The following PTPRN2 variants were observed in gnomAD, a reference collection of about 807,000 sequenced individuals.
The protein encoded by PTPRN2 is protein tyrosine phosphatase receptor type N2, also known as receptor-type tyrosine-protein phosphatase N2.
Under a neutral mutation model 118.8 loss-of-function variants are expected in PTPRN2, and 74 were observed. The observed-to-expected ratio is 0.62, with a 90% CI of 0.52 to 0.76. The LOEUF (loss-of-function observed/expected upper bound fraction) is 0.76, where lower values mean the gene tolerates loss of function less well. Ranked by LOEUF, PTPRN2 falls within the 30% of genes least tolerant of loss-of-function variation. The probability of loss-of-function intolerance (pLI) is 0.00; values close to 1 mark genes in which losing one functional copy is unlikely to be tolerated. For missense variants in PTPRN2, 1,481 were observed against 1,394.4 expected, an observed-to-expected ratio of 1.06 and a Z score of -0.99; for synonymous variants, 641 against 608.0, an observed-to-expected ratio of 1.05 and a Z score of -0.80.
rs371236861 is a variant in PTPRN2 at position 157,779,677 on chromosome 7, G to A, written c.1789-96740C>T. Among the ~76,000 whole-genome samples the A allele has an allele frequency of 1.1e-4, 16 of 152,314 alleles. No homozygotes were observed. The highest frequency in any genetic ancestry group is 3.1e-4 in the African/African-American group (13 of 41,566). ...CTAGACTCTGGCCAGGACGAGCTGGGGTGAGGGGCCCCGGCCAGAAGGATG... is the reference window on the plus strand; with the variant it reads ...CTAGACTCTGGCCAGGACGAGCTGGAGTGAGGGGCCCCGGCCAGAAGGATG... On this transcript the variant is annotated intron_variant, in intron 12 of 22. Coordinates refer to ENST00000389418, the MANE Select transcript of PTPRN2 (RefSeq NM_002847.5). This position sits in a 1 kb window ranked among gnomAD's most constrained non-coding sequence, Gnocchi z 4.7.
At chr7:157,554,888 CA>C (rs1464313652) in intron 21 of PTPRN2, among the ~76,000 whole-genome samples, 1 of 151,362 alleles carries the variant, frequency 6.6e-6, no homozygotes, top group African/African-American at 2.5e-5. Flanking sequence ...GCTACTTGAC[CA>C]GGTTTAATTC....
At chr7:157,778,469 G>A (rs1215490560) in intron 12 of PTPRN2, among the ~76,000 whole-genome samples, 1 of 151,070 alleles carries the variant, frequency 6.6e-6, no homozygotes, top group Non-Finnish European at 1.5e-5. Context: ...GAATACAGGT[G>A]TTGGGTGCCC....
chr7:158,272,005 T>G (rs147588382), intron 3 of PTPRN2, among the ~76,000 whole-genome samples: 49 of 152,336 alleles, frequency 3.2e-4, no homozygotes, highest in Non-Finnish European at 6.2e-4. Flanking sequence ...AATGAATTCG[T>G]TTGACATTCT....
chr7:157,607,952 G>T (rs1473857712), intron 15 of PTPRN2, among the ~76,000 whole-genome samples: 2 of 152,130 alleles, frequency 1.3e-5, no homozygotes, highest in Non-Finnish European at 2.9e-5. Flanking sequence ...TTCCCCCGAG[G>T]TCACCCTTTA....
intron 12 of PTPRN2, among the ~76,000 whole-genome samples, chr7:157,854,010 G>A (rs977276666): frequency 2.0e-4 from 30 of 152,188 alleles, no homozygotes; most frequent in Admixed American, 1.7e-3. Flanking sequence ...ATTCTTCTCC[G>A]AGGGCCTCAG....
chr7:157,670,881 G>A (rs905313125), intron 13 of PTPRN2, among the ~76,000 whole-genome samples: 6 of 152,220 alleles, frequency 3.9e-5, no homozygotes. Flanking sequence ...AGCAGCCCAG[G>A]CCTGACGTGG....
chr7:158,075,009 C>T (rs1009419869), intron 11 of PTPRN2, among the ~76,000 whole-genome samples: 1 of 149,118 alleles, frequency 6.7e-6, no homozygotes, highest in East Asian at 1.9e-4. Flanking sequence ...CTGTCGATGG[C>T]GATGCAATTA....
chr7:158,005,949 A>C (rs974151752), intron 11 of PTPRN2, among the ~76,000 whole-genome samples: 1 of 152,208 alleles, frequency 6.6e-6, no homozygotes, highest in Non-Finnish European at 1.5e-5. Flanking sequence ...AAAACCTTAG[A>C]GGCTGAGGGG....
At chr7:158,004,220 TA>T (rs144241684) in intron 11 of PTPRN2, among the ~76,000 whole-genome samples, 447 of 152,292 alleles carry the variant, frequency 2.9e-3, no homozygotes, top group African/African-American at 0.01. Context: ...AGGCAGGGTC[TA>T]GGGGCCATCC....
chr7:158,097,091 T>C (rs1279235045), intron 10 of PTPRN2, among the ~76,000 whole-genome samples: 2 of 152,114 alleles, frequency 1.3e-5, no homozygotes, highest in Non-Finnish European at 2.9e-5. Context: ...GCCTACAACA[T>C]CTTTGTAAAT....
Position 157,704,024 on chromosome 7 carries a change from C to T in PTPRN2, c.1789-21087G>A, listed in dbSNP as rs912733218. On this transcript the variant is annotated intron_variant, in intron 12 of 22. Coordinates refer to ENST00000389418, the MANE Select transcript of PTPRN2 (RefSeq NM_002847.5). ...AGCTGCAGCTCCGGGTGCCATCCTC[C>T]GCGGGGTGAGGTGCCACCAGGAATC... Among the ~76,000 whole-genome samples the T allele has an allele frequency of 3.3e-5, 5 of 152,266 alleles. No homozygotes were observed. The East Asian group carries it at 5.8e-4, about 18-fold the overall frequency.
intron 12 of PTPRN2, among the ~76,000 whole-genome samples, chr7:157,713,245 C>A (rs1193664420): frequency 6.6e-6 from 1 of 152,040 alleles, no homozygotes; most frequent in Non-Finnish European, 1.5e-5. Flanking sequence ...CTGCATGGTC[C>A]AAAAGTTTAC....
chr7:158,398,770 T>G (rs1180662604), intron 2 of PTPRN2, among the ~76,000 whole-genome samples: 1 of 152,204 alleles, frequency 6.6e-6, no homozygotes, highest in African/African-American at 2.4e-5. Flanking sequence ...CTTTCAGATT[T>G]AGGATGTATC....
rs1827973722 is a variant in PTPRN2, at chr7:158,570,685, C to A, written c.112+16873G>T. Among the ~76,000 whole-genome samples, 1 of 152,236 alleles carries A rather than the reference C, an allele frequency of 6.6e-6. No homozygotes were observed. The highest frequency in any genetic ancestry group is 2.4e-5 in the African/African-American group (1 of 41,464). On this transcript the variant is annotated intron_variant, in intron 1 of 22. Transcript: ENST00000389418. The surrounding 1 kb of genome is among the most constrained non-coding windows in gnomAD (Gnocchi z 4.5). ...CCGTAACACGTGTATACCGGCTCAG[C>A]ACGCGGCTGGGTACGGTTTGCAACG...
At chr7:158,470,159 G>A (rs947934838) in intron 2 of PTPRN2, among the ~76,000 whole-genome samples, 3 of 152,208 alleles carry the variant, frequency 2.0e-5, no homozygotes, top group African/African-American at 7.2e-5. Flanking sequence ...TTTGGACATA[G>A]TTTATAAGCA....
rs988219791 is a variant in PTPRN2, at chr7:157,596,704, G to C, written c.2419-1389C>G. Among the ~76,000 whole-genome samples the C allele has an allele frequency of 6.6e-6, 1 of 152,196 alleles. No homozygotes were observed. The highest frequency in any genetic ancestry group is 2.4e-5 in the African/African-American group (1 of 41,460). On this transcript the variant is annotated intron_variant, in intron 16 of 22. Coordinates refer to ENST00000389418, the MANE Select transcript of PTPRN2 (RefSeq NM_002847.5). This position sits in a 1 kb window ranked among gnomAD's most constrained non-coding sequence, Gnocchi z 4.2. ...ATCTGCAGAGACCGACCCCCGGAGAGCCGGATGCTGCGCTGGGGGAACCTC... is the reference window on the plus strand; with the variant it reads ...ATCTGCAGAGACCGACCCCCGGAGACCCGGATGCTGCGCTGGGGGAACCTC...
intron 2 of PTPRN2, among the ~76,000 whole-genome samples, chr7:158,360,081 C>A (rs1808754875): frequency 6.9e-6 from 1 of 145,900 alleles, no homozygotes; most frequent in African/African-American, 2.6e-5. Flanking sequence ...CCCACATCCA[C>A]CCTCACCCAG....
In PTPRN2 at chr7:157,833,336, A is replaced by T. The variant is rs1406066444; in HGVS notation, c.1788+65337T>A. The stretch of plus-strand genomic sequence containing the variant: ...GACGGTGAACTCGTCCAGGAGCGAG[A>T]TGTGGCTGGTGCCCATCCATCCCAT... On this transcript the variant is annotated intron_variant, in intron 12 of 22. Transcript: ENST00000389418. Among the ~76,000 whole-genome samples the T allele has an allele frequency of 6.2e-5, 9 of 145,664 alleles. No homozygotes were observed. The South Asian group carries it at 1.3e-3, about 21-fold the overall frequency.
Position 158,008,451 on chromosome 7 carries a change from C to T in PTPRN2, c.1723+72847G>A, listed in dbSNP as rs1395087890. On this transcript the variant is annotated intron_variant, in intron 11 of 22. Coordinates refer to ENST00000389418, the MANE Select transcript of PTPRN2 (RefSeq NM_002847.5). Reference sequence around the variant, plus strand: ...ACTCAGTTCTGTCCTTCCTCATAAACAGATGAACCTGTCCCGCGCGCGTGG... The same window carrying T: ...ACTCAGTTCTGTCCTTCCTCATAAATAGATGAACCTGTCCCGCGCGCGTGG... Among the ~76,000 whole-genome samples, 6 of 152,372 alleles carry T rather than the reference C, an allele frequency of 3.9e-5. No homozygotes were observed. In the East Asian group the frequency reaches 1.2e-3, roughly 29 times the overall value.
Sources: allele counts gnomAD v4.1 joint callset (sites outside exome capture counted in the v4.1 genomes callset), GRCh38; gene constraint gnomAD v4.1.1; non-coding constraint Gnocchi (gnomAD v3.1); transcripts MANE v1.5; gene names NCBI Gene and HGNC (gene_info 2026-07-23, HGNC 2026-07-21).